The following KAT6A variants were observed in gnomAD, a reference collection of about 807,000 sequenced individuals.
The protein encoded by KAT6A is histone acetyltransferase KAT6A.
Under a neutral mutation model 198.4 loss-of-function variants are expected in KAT6A, and 9 were observed. The ratio of observed to expected loss-of-function variants is 0.05; its 90% CI spans 0.03 to 0.08. The LOEUF is 0.08. Ranked by LOEUF, KAT6A falls within the 10% of genes least tolerant of loss-of-function variation. The pLI, the probability that KAT6A is intolerant of heterozygous loss-of-function variation, is 1.00. For missense variants in KAT6A, 2,077 were observed against 2,509.9 expected (o/e 0.83, Z 3.69); for synonymous variants, 890 against 883.0 (o/e 1.01, Z -0.14).
rs141965893 is a variant in KAT6A, at chr8:41,942,655, C to A, written c.2436+138G>T. The stretch of plus-strand genomic sequence containing the variant: ...AGGTCCAGTCTTCTTGAAATCTCTA[C>A]CACTGAAATAAAACTCTTGACATTC... On this transcript the variant is annotated intron_variant, in intron 14 of 16. Transcript: ENST00000265713. The A allele has an allele frequency of 1.8e-4, 172 of 962,464 alleles. No homozygotes were observed. In the East Asian group the frequency reaches 4.1e-3, roughly 23 times the overall value. The allele number at this position is 962,464 out of a possible 1,614,324, so 59.6% of individuals were successfully genotyped here.
chr8:41,942,660 G>T, intron 14 of KAT6A, 133 bp downstream of exon 14: 1 of 1,028,526 alleles, frequency 9.7e-7, no homozygotes, highest in South Asian at 1.7e-5. Context: ...CTCTACCACT[G>T]AAATAAAACT....
intron 2 of KAT6A, among the ~76,000 whole-genome samples, chr8:42,033,221 A>G (rs1285280419): frequency 6.6e-6 from 1 of 152,010 alleles, no homozygotes; most frequent in Non-Finnish European, 1.5e-5. Flanking sequence ...TACCTCTGTC[A>G]CCACTGATGT....
rs149533603 is a variant in KAT6A at position 42,031,952 on chromosome 8, C to T, written c.600+16426G>A. Among the ~76,000 whole-genome samples the T allele has an allele frequency of 8.3e-3, 1,238 of 149,192 alleles. 16 individuals are homozygous for T. Among genetic ancestry groups the T allele is most frequent in the African/African-American group, 0.03 (1,197 of 40,450 alleles). ...GGTCGTACTTTTTTTTTTTTTGAGA[C>T]GGAGTCTCACTCTATCGCCCAGGCT... On this transcript the variant is annotated intron_variant, in intron 2 of 16. Transcript: ENST00000265713.
chr8:41,987,699 A>AGTAGGG, intron 2 of KAT6A, 136 bp from the exon 3 acceptor site: 1 of 649,266 alleles, frequency 1.5e-6, no homozygotes, highest in Non-Finnish European at 2.7e-6. Context: ...ATTCCAGCTA[A>AGTAGGG]GTAGGTGAGT....
chr8:42,002,309 T>C (rs1171565568), intron 2 of KAT6A, among the ~76,000 whole-genome samples: 2 of 152,362 alleles, frequency 1.3e-5, no homozygotes, highest in Admixed American at 6.5e-5. Context: ...TTTTCCTGTA[T>C]ATTGTTTTCA....
rs769175452 is a variant in KAT6A, at chr8:41,931,649, T to A, written c.*556A>T. ...TTTATTAATAATAATAATAATAATATTAACAATAATAATAAGTTTAAGGAG... is the reference window on the plus strand; with the variant it reads ...TTTATTAATAATAATAATAATAATAATAACAATAATAATAAGTTTAAGGAG... On this transcript the variant is annotated 3_prime_UTR_variant, in exon 17 of 17. Transcript: ENST00000265713. 159 of 184,080 alleles carry A rather than the reference T, an allele frequency of 8.6e-4. 1 individual carries two copies. Among genetic ancestry groups the A allele is most frequent in the Admixed American group, 2.1e-3 (33 of 15,982 alleles). 11.4% of individuals were successfully genotyped at this position (184,080 alleles called of 1,614,324 possible). A position where few individuals can be genotyped will look rare whatever the true frequency, so the allele number is the denominator to read the frequency against.
chr8:41,973,659 C>T (rs1302307087), intron 8 of KAT6A, among the ~76,000 whole-genome samples: 3 of 152,136 alleles, frequency 2.0e-5, no homozygotes, highest in African/African-American at 4.8e-5. Context: ...TTTCCAACCT[C>T]ACCTCCTGCC....
chr8:42,018,200 A>C (rs991648590), intron 2 of KAT6A, among the ~76,000 whole-genome samples: 10 of 152,240 alleles, frequency 6.6e-5, no homozygotes, highest in Admixed American at 2.6e-4. Flanking sequence ...AGAGCTACAA[A>C]AATGTCACAG....
chr8:42,030,437 T>C (rs1426740177), intron 2 of KAT6A, among the ~76,000 whole-genome samples: 1 of 152,178 alleles, frequency 6.6e-6, no homozygotes, highest in Non-Finnish European at 1.5e-5. Context: ...AATGCTGCAT[T>C]CAAAATGTGA....
chr8:42,045,267 C>G (rs921613771), intron 2 of KAT6A, among the ~76,000 whole-genome samples: 1 of 152,126 alleles, frequency 6.6e-6, no homozygotes. Flanking sequence ...AATTTAGTTA[C>G]TTCAGTTAAC....
intron 15 of KAT6A, among the ~76,000 whole-genome samples, chr8:41,940,411 A>T (rs115284604): frequency 8.4e-4 from 128 of 152,340 alleles, no homozygotes; most frequent in African/African-American, 3.0e-3. Flanking sequence ...AATATAGGGC[A>T]GCACTATGTT....
chr8:41,965,853 C>G (rs767259489), intron 8 of KAT6A, among the ~76,000 whole-genome samples: 1 of 152,088 alleles, frequency 6.6e-6, no homozygotes, highest in African/African-American at 2.4e-5. Flanking sequence ...TAAGTGATGT[C>G]TCCTTGATGC....
In KAT6A at chr8:42,048,447, A is replaced by T; in HGVS notation, c.531T>A (p.Asp177Glu). 1.2e-6 allele frequency: 2 copies of T among 1,614,126 alleles called. No individual in the cohort carries two copies. Among genetic ancestry groups the T allele is most frequent in the Non-Finnish European group, 1.7e-6 (2 of 1,179,960 alleles). ...AAAGAGACTCACAACTCTCTTTCCC[A>T]TCCACGTTGGTTGCTTTAGTGTTGA... ...YRLNTKATNVDGKESCESLSC... is the reference protein window; with the variant it reads ...YRLNTKATNVEGKESCESLSC... The change falls in exon 2 of 17, where the codon GAT (aspartate) becomes GAA (glutamate). Residue 177 changes from aspartate (D) to glutamate (E), a missense_variant. Physicochemically the swap from Asp to Glu is conservative, Grantham distance 45. Coordinates refer to ENST00000265713, the MANE Select transcript of KAT6A (RefSeq NM_006766.5).
rs192462632 is a variant in KAT6A, at chr8:41,944,576, C to T, written c.1997-597G>A. On this transcript the variant is annotated intron_variant, in intron 12 of 16. Transcript: ENST00000265713. The stretch of plus-strand genomic sequence containing the variant: ...AGGCCTAACTTCTAAGGAAAAGCAA[C>T]GAAAATGGAGATGGCAGAGAAAGGT... Among the ~76,000 whole-genome samples, 148 of 152,030 alleles carry T rather than the reference C, an allele frequency of 9.7e-4. 1 individual carries two copies. Among genetic ancestry groups the T allele is most frequent in the South Asian group, 8.3e-4 (4 of 4,816 alleles).
At chr8:42,044,951 T>A (rs1457655231) in intron 2 of KAT6A, among the ~76,000 whole-genome samples, 7 of 152,192 alleles carry the variant, frequency 4.6e-5, no homozygotes, top group Admixed American at 3.9e-4. Flanking sequence ...AGCAACTGAC[T>A]GCGTAGTTCG....
chr8:41,946,623 C>T lies in KAT6A; in HGVS notation c.1964G>A (p.Arg655His). 6.2e-7 allele frequency: 1 copy of T among 1,604,376 alleles called. No individual in the cohort carries two copies. The highest frequency in any genetic ancestry group is 8.5e-7 in the Non-Finnish European group (1 of 1,171,594). The part of the protein sequence containing the change: ...SCIMILPQYQ[R>H]KGYGRFLIDF... The stretch of plus-strand genomic sequence containing the variant: ...GATGAGAAACCTGCCATAGCCCTTA[C>T]GCTGGTATTGAGGAAGAATCATTAT... The change falls in exon 12 of 17, where the codon CGT becomes CAT. Residue 655 changes from arginine to histidine, a missense_variant. Around this residue, in one of 13 missense-constraint regions of KAT6A, gnomAD observed 127 missense variants for 209.6 expected, o/e 0.61. Coordinates refer to ENST00000265713, the MANE Select transcript of KAT6A (RefSeq NM_006766.5).
At chr8:42,033,035 C>T (rs771517540) in intron 2 of KAT6A, among the ~76,000 whole-genome samples, 13 of 151,910 alleles carry the variant, frequency 8.6e-5, no homozygotes, top group Admixed American at 4.6e-4. Context: ...CCTACCACCA[C>T]ACTCGGCTAA....
chr8:41,982,016 T>A, intron 3 of KAT6A, 62 bp from the exon 4 acceptor site: 2 of 922,536 alleles, frequency 2.2e-6, no homozygotes, highest in Non-Finnish European at 3.5e-6. Flanking sequence ...ATTATAGTAC[T>A]AAAGAAATGA....
At chr8:42,042,356 G>A (rs1405388856) in intron 2 of KAT6A, among the ~76,000 whole-genome samples, 1 of 151,810 alleles carries the variant, frequency 6.6e-6, no homozygotes, top group Non-Finnish European at 1.5e-5. Context: ...TACTCGGGAG[G>A]CTGAGGCAGG....
Sources: allele counts gnomAD v4.1 joint callset (sites outside exome capture counted in the v4.1 genomes callset), GRCh38; gene constraint gnomAD v4.1.1; regional missense constraint gnomAD v4.1.1; transcripts MANE v1.5; gene names NCBI Gene and HGNC (gene_info 2026-07-23, HGNC 2026-07-21).